The following INTS3 variants were observed in gnomAD, a reference collection of about 807,000 sequenced individuals.
INTS3 encodes the protein integrator complex subunit 3, also known as SOSS complex subunit A.
A neutral mutation model predicts 146.3 loss-of-function variants in INTS3; 34 were observed. The ratio of observed to expected loss-of-function variants is 0.23; its 90% CI spans 0.18 to 0.31. The LOEUF is 0.31. Among genes scored for constraint, INTS3 ranks in the 10% least tolerant of loss-of-function variants. INTS3 has a pLI of 1.00. For missense variants in INTS3, 757 were observed against 1,304.2 expected (o/e 0.58, Z 6.46); for synonymous variants, 475 against 494.9 (o/e 0.96, Z 0.53).
chr1:153,768,478 C>T (rs1209340981), intron 21 of INTS3, among the ~76,000 whole-genome samples: 1 of 152,212 alleles, frequency 6.6e-6, no homozygotes. Flanking sequence ...CATAAACTCT[C>T]TACACCACCT....
At chr1:153,764,275 C>T (rs1570877183) in intron 18 of INTS3, 54 bp downstream of exon 18, 1 of 1,236,122 alleles carries the variant, frequency 8.1e-7, no homozygotes, top group Admixed American at 1.7e-5. Flanking sequence ...GGTGCTCTTA[C>T]AGCCTGAGTC....
chr1:153,754,821 T>TAG (rs1193217908), intron 9 of INTS3, 82 bp downstream of exon 9: 5 of 884,040 alleles, frequency 5.7e-6, no homozygotes, highest in Non-Finnish European at 9.7e-6. Flanking sequence ...GTTACCATTG[T>TAG]TTACTAACCA....
At chr1:153,764,425 G>A (rs977941726) in intron 18 of INTS3, among the ~76,000 whole-genome samples, 10 of 152,190 alleles carry the variant, frequency 6.6e-5, no homozygotes, top group Admixed American at 1.3e-4. Context: ...ACCTCCTCAT[G>A]CTTCCAGCCC....
At chr1:153,740,526 A>G (rs747108148) in intron 1 of INTS3, 125 bp from the exon 2 acceptor site, 19 of 716,302 alleles carry the variant, frequency 2.7e-5, no homozygotes, top group Admixed American at 4.2e-5. Flanking sequence ...TGGTGACTTT[A>G]TAAGTAAACT....
intron 3 of INTS3, among the ~76,000 whole-genome samples, chr1:153,745,090 A>G (rs1313613805): frequency 2.0e-5 from 3 of 151,508 alleles, no homozygotes; most frequent in Non-Finnish European, 2.9e-5. Flanking sequence ...ATACATATAT[A>G]TATATTATTG....
intron 1 of INTS3, among the ~76,000 whole-genome samples, chr1:153,733,397 G>C (rs1197603244): frequency 6.6e-6 from 1 of 151,008 alleles, no homozygotes; most frequent in African/African-American, 2.4e-5. Context: ...ATTTTTAGTA[G>C]AGATGGGGTT....
In INTS3 at chr1:153,774,642, C is replaced by A; in HGVS notation, c.*1372C>A. On this transcript the variant is annotated 3_prime_UTR_variant, in exon 30 of 30. Coordinates refer to ENST00000318967, the MANE Select transcript of INTS3 (RefSeq NM_023015.5). Reference sequence around the variant, plus strand: ...TGAAGTTTGGGCGAACTGCACAGAGCTGCTCCTCTTCACCCCGAAAATTTG... The same window carrying A: ...TGAAGTTTGGGCGAACTGCACAGAGATGCTCCTCTTCACCCCGAAAATTTG... 5.8e-6 allele frequency: 1 copy of A among 173,488 alleles called. No homozygotes were observed. The highest frequency in any genetic ancestry group is 1.2e-5 in the Non-Finnish European group (1 of 80,248). 10.7% of individuals were successfully genotyped at this position (173,488 alleles called of 1,614,324 possible). A position where few individuals can be genotyped will look rare whatever the true frequency, so the allele number is the denominator to read the frequency against.
chr1:153,760,658 A>G, intron 12 of INTS3, 169 bp from the exon 13 acceptor site: 1 of 652,884 alleles, frequency 1.5e-6, no homozygotes, highest in Non-Finnish European at 2.7e-6. Context: ...CAGGTCCAGT[A>G]AGAATTTCTC....
At position 153,757,895 on chromosome 1, in the gene INTS3, T is replaced by G; in HGVS notation, c.1149+132T>G. 1 of 647,430 alleles carries G rather than the reference T, an allele frequency of 1.5e-6. No individual in the cohort carries two copies. Among genetic ancestry groups the G allele is most frequent in the Non-Finnish European group, 2.7e-6 (1 of 374,658 alleles). The allele number at this position is 647,430 out of a possible 1,614,324, so 40.1% of individuals were successfully genotyped here. ...TTTCACTCTGGTCTTCCAGAGTGTCTCAGCCTTCACTTCCCTTTGTGTCTC... is the reference window on the plus strand; with the variant it reads ...TTTCACTCTGGTCTTCCAGAGTGTCGCAGCCTTCACTTCCCTTTGTGTCTC... On this transcript the variant is annotated intron_variant, in intron 10 of 29. Transcript: ENST00000318967. This position sits in a 1 kb window ranked among gnomAD's most constrained non-coding sequence, Gnocchi z 4.0.
intron 20 of INTS3, chr1:153,766,633 A>G (rs1672597832): frequency 6.6e-6 from 1 of 151,908 alleles, no homozygotes; most frequent in Non-Finnish European, 1.5e-5. Context: ...TATCTATTCA[A>G]AAATGTTCCT....
In INTS3 at chr1:153,773,331, GGTTAA is replaced by G; in HGVS notation, c.*62_*66del. 6.9e-7 allele frequency: 1 copy of G among 1,444,786 alleles called. No individual in the cohort carries two copies. Among genetic ancestry groups the G allele is most frequent in the Non-Finnish European group, 9.7e-7 (1 of 1,025,674 alleles). The allele number at this position is 1,444,786 out of a possible 1,614,324, so 89.5% of individuals were successfully genotyped here. A position where few individuals can be genotyped will look rare whatever the true frequency, so the allele number is the denominator to read the frequency against. On this transcript the variant is annotated 3_prime_UTR_variant, in exon 30 of 30. Coordinates refer to ENST00000318967, the MANE Select transcript of INTS3 (RefSeq NM_023015.5). Reference sequence around the variant, plus strand: ...GCCCTCTCCTTCTTGGTGATTCAAAGGTTAATAGAGGCTGAGGAGATTGCAGGGGA... The same window carrying G: ...GCCCTCTCCTTCTTGGTGATTCAAAGTAGAGGCTGAGGAGATTGCAGGGGA...
rs1382877390 is a variant in INTS3 at position 153,741,364 on chromosome 1, A to C, written c.314A>C (p.Gln105Pro). The C allele has an allele frequency of 6.2e-7, 1 of 1,611,994 alleles. No individual in the cohort carries two copies. The highest frequency in any genetic ancestry group is 8.5e-7 in the Non-Finnish European group (1 of 1,178,074). Reference sequence around the variant, plus strand: ...ATCCTCACTGAACCTGCCCAAGCCCAGAAGGTAAGGCACCCTGCTCTGGAC... The same window carrying C: ...ATCCTCACTGAACCTGCCCAAGCCCCGAAGGTAAGGCACCCTGCTCTGGAC... Reference protein sequence around the residue: ...TLILTEPAQAQKCYRDLALVS... With the variant: ...TLILTEPAQAPKCYRDLALVS... The change falls in exon 3 of 30, where the codon CAG becomes CCG. Residue 105 changes from glutamine to proline, a missense_variant. Physicochemically the swap from Gln to Pro is moderately conservative, Grantham distance 76 (BLOSUM62 -1). Transcript: ENST00000318967.
At chr1:153,749,767 G>GCCATT (rs1468213488) in intron 6 of INTS3, among the ~76,000 whole-genome samples, 1 of 152,118 alleles carries the variant, frequency 6.6e-6, no homozygotes, top group Non-Finnish European at 1.5e-5. Flanking sequence ...TCTTTATTAT[G>GCCATT]CCATTCCAGG....
intron 9 of INTS3, among the ~76,000 whole-genome samples, chr1:153,756,952 C>T (rs960265701): frequency 6.6e-6 from 1 of 152,086 alleles, no homozygotes; most frequent in Non-Finnish European, 1.5e-5. Flanking sequence ...TGTTTTTTTA[C>T]CTTTTTGCTT....
chr1:153,765,600 C>T (rs1233249002), intron 20 of INTS3, among the ~76,000 whole-genome samples: 3 of 151,774 alleles, frequency 2.0e-5, no homozygotes, highest in African/African-American at 7.3e-5. Context: ...GACAGGGTCT[C>T]ACTCAGTCAC....
intron 18 of INTS3, 33 bp downstream of exon 18, chr1:153,764,254 A>T: frequency 6.9e-7 from 1 of 1,444,464 alleles, no homozygotes; most frequent in Non-Finnish European, 9.8e-7. Flanking sequence ...CCAGAGCCTC[A>T]GGAGCCAGAG....
At position 153,763,500 on chromosome 1, in the gene INTS3, G is replaced by C; in HGVS notation, c.1766+138G>C. The stretch of plus-strand genomic sequence containing the variant: ...TGGAGAGGTAGCTGAAGCTTCATGA[G>C]GGAGTTCTTCTGCACTTTACGTTAG... On this transcript the variant is annotated intron_variant, in intron 16 of 29. Coordinates refer to ENST00000318967, the MANE Select transcript of INTS3 (RefSeq NM_023015.5). 4 of 945,134 alleles carry C rather than the reference G, an allele frequency of 4.2e-6. No homozygotes were observed. In the South Asian group the frequency reaches 6.1e-5, roughly 14 times the overall value. 58.5% of individuals were successfully genotyped at this position (945,134 alleles called of 1,614,324 possible).
In INTS3 at chr1:153,736,737, C is replaced by T. The variant is rs114551797; in HGVS notation, c.151-3914C>T. 6.1e-3 allele frequency among the ~76,000 whole-genome samples: 901 copies of T among 147,702 alleles called. 5 individuals carry two copies. The highest frequency in any genetic ancestry group is 0.01 in the Non-Finnish European group (683 of 67,194). On this transcript the variant is annotated intron_variant, in intron 1 of 29. Coordinates refer to ENST00000318967, the MANE Select transcript of INTS3 (RefSeq NM_023015.5). The stretch of plus-strand genomic sequence containing the variant: ...CTGAGATTACAGGCGTGAGCCACCG[C>T]GCCCAGTCCAATTGTCTTTCATTCT...
intron 24 of INTS3, 69 bp downstream of exon 24, chr1:153,770,380 G>A: frequency 1.0e-6 from 1 of 992,512 alleles, no homozygotes; most frequent in Non-Finnish European, 1.6e-6. Context: ...CAAGGCTGAG[G>A]CCTCTAGGCT....
Sources: gnomAD v4.1 joint callset for allele counts (sites outside exome capture counted in the v4.1 genomes callset) on GRCh38, gnomAD v4.1.1 for gene constraint, Gnocchi (gnomAD v3.1) non-coding constraint, MANE v1.5 for transcripts, NCBI Gene and HGNC (gene_info 2026-07-23, HGNC 2026-07-21) for gene names.